The following IDUA variants were observed in gnomAD, a reference collection of about 807,000 sequenced individuals.
IDUA encodes alpha-L-iduronidase, also known as iduronidase alpha-L-.
In IDUA, 65 loss-of-function variants were observed where a neutral mutation model predicts 68.9. The ratio of observed to expected loss-of-function variants is 0.94; its 90% confidence interval spans 0.77 to 1.16. The LOEUF is 1.16. IDUA is among the 50% of genes most tolerant of loss of function. The probability of loss-of-function intolerance (pLI) is 0.00; values close to 1 mark genes in which losing one functional copy is unlikely to be tolerated. For missense variants in IDUA, 1,046 were observed against 938.0 expected, an observed-to-expected ratio of 1.12 and a Z score of -1.50; for synonymous variants, 529 against 433.6, an observed-to-expected ratio of 1.22 and a Z score of -2.73.
intron 2 of IDUA, chr4:991,892 C>T (rs1446321904): frequency 7.7e-7 from 1 of 1,304,238 alleles, no homozygotes; most frequent in Non-Finnish European, 1.1e-6. Context: ...AGCCCCCTGC[C>T]CGGTATGGAT....
intron 1 of IDUA, chr4:987,534 T>G (rs1363773068): frequency 9.7e-7 from 1 of 1,030,924 alleles, no homozygotes; most frequent in Non-Finnish European, 1.4e-6. Flanking sequence ...CTGGCCTGCC[T>G]GTCCCATTCC....
Position 1,002,910 on chromosome 4 carries a change from G to C in IDUA, c.1368G>C (p.Val456=). 3 of 1,397,452 alleles carry C rather than the reference G, an allele frequency of 2.1e-6. No homozygotes were observed. Among genetic ancestry groups the C allele is most frequent in the Non-Finnish European group, 2.8e-6 (3 of 1,082,762 alleles). The allele number at this position is 1,397,452 out of a possible 1,614,324, so 86.6% of individuals were successfully genotyped here. The part of the protein sequence containing the change: ...TRAHPNRSVA[V]TLRLRGVPPG... ...CCCACCCCAACCGCAGCGTCGCGGT[G>C]ACCCTGCGGCTGCGCGGGGTGCCCC... The change falls in exon 9 of 14, where the codon GTG becomes GTC. Residue 456 remains valine, a synonymous_variant. Coordinates refer to ENST00000514224, the MANE Select transcript of IDUA (RefSeq NM_000203.5).
rs562403245 is a variant in IDUA, at chr4:996,533, G to A, written c.300-4079G>A. On this transcript the variant is annotated intron_variant, in intron 2 of 13. Coordinates refer to ENST00000514224, the MANE Select transcript of IDUA (RefSeq NM_000203.5). ...GAGGTTTCCAGAGGCTGGCTTATGGGGACCTGTGGTGAGGTTTTAGGCAGG... is the reference window on the plus strand; with the variant it reads ...GAGGTTTCCAGAGGCTGGCTTATGGAGACCTGTGGTGAGGTTTTAGGCAGG... 1.4e-4 allele frequency among the ~76,000 whole-genome samples: 22 copies of A among 152,342 alleles called. 1 individual carries two copies. The highest frequency in any genetic ancestry group is 9.6e-4 in the East Asian group (5 of 5,188).
rs1433090855 is a variant in IDUA, at chr4:987,192, G to C, written c.108G>C (p.Ala36=). Reference sequence around the variant, plus strand: ...CCCCGCACCTGGTGCATGTGGACGCGGCCCGCGCGCTGTGGCCCCTGCGGC... The same window carrying C: ...CCCCGCACCTGGTGCATGTGGACGCCGCCCGCGCGCTGTGGCCCCTGCGGC... ...AEAPHLVHVD[A]ARALWPLRRF... The change falls in exon 1 of 14, where the codon GCG becomes GCC. Residue 36 remains alanine (A), a synonymous_variant. Coordinates refer to ENST00000514224, the MANE Select transcript of IDUA (RefSeq NM_000203.5). 2 of 1,475,714 alleles carry C rather than the reference G, an allele frequency of 1.4e-6. No individual in the cohort carries two copies. The highest frequency in any genetic ancestry group is 4.6e-5 in the Admixed American group (2 of 43,694). 91.4% of individuals were successfully genotyped at this position (1,475,714 alleles called of 1,614,324 possible). A position where few individuals can be genotyped will look rare whatever the true frequency, so the allele number is the denominator to read the frequency against.
chr4:987,912 G>A lies in IDUA; in HGVS notation c.262G>A (p.Val88Ile). Reference sequence around the variant, plus strand: ...CGTCCCTCACCGCGGCATCAAGCAGGTCCGGACCCACTGGCTGCTGGAGCT... The same window carrying A: ...CGTCCCTCACCGCGGCATCAAGCAGATCCGGACCCACTGGCTGCTGGAGCT... ...GAVPHRGIKQ[V>I]RTHWLLELVT... The change falls in exon 2 of 14, where the codon GTC becomes ATC. Residue 88 changes from valine (V) to isoleucine (I), a missense_variant. Physicochemically the swap from Val to Ile is conservative, Grantham distance 29. Transcript: ENST00000514224. 2 of 1,604,354 alleles carry A rather than the reference G, an allele frequency of 1.2e-6. No individual in the cohort carries two copies. The highest frequency in any genetic ancestry group is 3.3e-4 in the Middle Eastern group (2 of 6,004).
chr4:992,185 C>G, intron 2 of IDUA: 1 of 461,634 alleles, frequency 2.2e-6, no homozygotes, highest in Non-Finnish European at 4.3e-6. Flanking sequence ...CAGGTGCAGG[C>G]AAGCCTGAGT....
At chr4:988,695 G>A (rs1017644363) in intron 2 of IDUA, 164 of 1,411,980 alleles carry the variant, frequency 1.2e-4, no homozygotes, top group Middle Eastern at 7.8e-4. Flanking sequence ...GGGGTTCCCC[G>A]GTTTCCCCAG....
chr4:1,004,244 G>A lies in IDUA; in HGVS notation c.1829-16G>A, dbSNP rs1426518076. The A allele has an allele frequency of 6.2e-7, 1 of 1,609,326 alleles. No homozygotes were observed. Among genetic ancestry groups the A allele is most frequent in the Non-Finnish European group, 8.5e-7 (1 of 1,179,978 alleles). On this transcript the variant is annotated splice_polypyrimidine_tract_variant and intron_variant, in intron 13 of 13. Transcript: ENST00000514224. This position sits in a 1 kb window ranked among gnomAD's most constrained non-coding sequence, Gnocchi z 5.0. ...GGGGCAGGTTCCGGTTGGCACACAT[G>A]TCCCCTTGTCTCCAGACACAGGTGC...
Position 1,003,078 on chromosome 4 carries a change from GC to G in IDUA, c.1449del (p.Asp484ThrfsTer41). The G allele has an allele frequency of 6.6e-7, 1 of 1,521,786 alleles. No individual in the cohort carries two copies. Among genetic ancestry groups the G allele is most frequent in the South Asian group, 1.2e-5 (1 of 82,046 alleles). The allele number at this position is 1,521,786 out of a possible 1,614,324, so 94.3% of individuals were successfully genotyped here. On this transcript the variant is annotated frameshift_variant, in exon 10 of 14. Coordinates refer to ENST00000514224, the MANE Select transcript of IDUA (RefSeq NM_000203.5). LOFTEE classifies it high-confidence loss of function. ...CGCTACCTGGACAACGGGCTCTGCA[GC>G]CCCGACGGCGAGTGGCGGCGCCTGG... ...VTRYLDNGLC[S>X]PDGEWRRLGR...
Position 989,837 on chromosome 4 carries a change from C to T in IDUA, c.299+1888C>T, listed in dbSNP as rs3796623. The T allele has an allele frequency of 0.026, 41,058 of 1,579,648 alleles. 639 individuals are homozygous for T. The highest frequency in any genetic ancestry group is 0.053 in the Middle Eastern group (311 of 5,886). The stretch of plus-strand genomic sequence containing the variant: ...TCCTGGTTGGCACGCACAGAGTAGC[C>T]GTGACTGCGGGCGAACATCTCCGCC... On this transcript the variant is annotated intron_variant, in intron 2 of 13. Coordinates refer to ENST00000514224, the MANE Select transcript of IDUA (RefSeq NM_000203.5).
chr4:996,738 T>C (rs557071094), intron 2 of IDUA, among the ~76,000 whole-genome samples: 4 of 152,214 alleles, frequency 2.6e-5, no homozygotes, highest in Non-Finnish European at 5.9e-5. Flanking sequence ...TCTGCCTCAG[T>C]TTCTCTGAGC....
Position 1,003,565 on chromosome 4 carries a change from C to T in IDUA, c.1667C>T (p.Ala556Val), listed in dbSNP as rs774960712. The change falls in exon 12 of 14, where the codon GCC becomes GTC. Residue 556 changes from alanine (A) to valine (V), a missense_variant. Ala to Val is a moderately conservative substitution (Grantham distance 64). Coordinates refer to ENST00000514224, the MANE Select transcript of IDUA (RefSeq NM_000203.5). Reference sequence around the variant, plus strand: ...CTCCCCCAGGTCACGCGGCTCCGCGCCCTGCCCCTGACCCAAGGGCAGCTG... The same window carrying T: ...CTCCCCCAGGTCACGCGGCTCCGCGTCCTGCCCCTGACCCAAGGGCAGCTG... ...KPPGQVTRLR[A>V]LPLTQGQLVL... 1.2e-6 allele frequency: 2 copies of T among 1,612,246 alleles called. No homozygotes were observed. Among genetic ancestry groups the T allele is most frequent in the South Asian group, 2.2e-5 (2 of 91,074 alleles).
chr4:991,018 G>T, intron 2 of IDUA: 1 of 1,151,564 alleles, frequency 8.7e-7, no homozygotes, highest in Non-Finnish European at 1.2e-6. Context: ...TCTTGGGCCA[G>T]CACCTCCTCT....
At chr4:990,600 C>T (rs1714211880) in intron 2 of IDUA, 1 of 574,732 alleles carries the variant, frequency 1.7e-6, no homozygotes, top group Non-Finnish European at 3.1e-6. Context: ...CACAGCTGGC[C>T]ATAGACACGT....
At chr4:992,775 C>A (rs1162224047) in intron 2 of IDUA, 1 of 153,954 alleles carries the variant, frequency 6.5e-6, no homozygotes, top group African/African-American at 2.4e-5. Context: ...GCTTAGAGGC[C>A]TGACTGGTCC....
At chr4:997,551 C>T (rs992354640) in intron 2 of IDUA, among the ~76,000 whole-genome samples, 2 of 151,488 alleles carry the variant, frequency 1.3e-5, no homozygotes, top group Admixed American at 1.3e-4. Flanking sequence ...TGAATGAGCC[C>T]GTTGTGCGGC....
chr4:1,001,030 G>T, intron 4 of IDUA, 41 bp downstream of exon 4: 1 of 1,423,344 alleles, frequency 7.0e-7, no homozygotes, highest in South Asian at 1.1e-5. Flanking sequence ...CGGGGCGGGG[G>T]TACTCCTGGG....
Position 1,003,572 on chromosome 4 carries a change from C to G in IDUA, c.1674C>G (p.Pro558=). The G allele has an allele frequency of 6.2e-7, 1 of 1,612,290 alleles. No individual in the cohort carries two copies. Among genetic ancestry groups the G allele is most frequent in the Non-Finnish European group, 8.5e-7 (1 of 1,179,808 alleles). Residue 558 remains proline (P), a synonymous_variant, in exon 12 of 14, where the codon CCC becomes CCG. Coordinates refer to ENST00000514224, the MANE Select transcript of IDUA (RefSeq NM_000203.5). The part of the protein sequence containing the change: ...PGQVTRLRAL[P]LTQGQLVLVW... ...AGGTCACGCGGCTCCGCGCCCTGCC[C>G]CTGACCCAAGGGCAGCTGGTTCTGG...
chr4:991,590 G>C (rs776428106), intron 2 of IDUA: 1 of 1,598,126 alleles, frequency 6.3e-7, no homozygotes, highest in East Asian at 2.2e-5. Flanking sequence ...TGCACGAGCA[G>C]CTGCACCACA....
Sources: allele counts gnomAD v4.1 joint callset (sites outside exome capture counted in the v4.1 genomes callset), GRCh38; gene constraint gnomAD v4.1.1; non-coding constraint Gnocchi (gnomAD v3.1); transcripts MANE v1.5; gene names NCBI Gene and HGNC (gene_info 2026-07-23, HGNC 2026-07-21).